TMEM229B: variants seen among roughly 807,000 people sequenced by gnomAD.
The protein encoded by TMEM229B is transmembrane protein 229B, also known as chromosome 14 open reading frame 83.
A neutral mutation model predicts 13.7 loss-of-function variants in TMEM229B; 6 were observed. The ratio of observed to expected loss-of-function variants is 0.44; its 90% confidence interval spans 0.24 to 0.86. The LOEUF is 0.86. Ranked by LOEUF, TMEM229B falls within the 40% of genes least tolerant of loss-of-function variation. The pLI, the probability that TMEM229B is intolerant of heterozygous loss-of-function variation, is 0.23. For synonymous variants in TMEM229B, 107 were observed against 102.1 expected (o/e 1.05, Z -0.29); for missense variants, 170 against 236.0 (o/e 0.72, Z 1.83).
rs539987903 is a variant in TMEM229B, at chr14:67,498,802, A to G, written c.-191-11630T>C. ...TGTCTCAGTCTCTCGAGTAGCTGAG[A>G]TTATAGGTGCACACCACCATGCCTG... On this transcript the variant is annotated intron_variant, in intron 1 of 2. Transcript: ENST00000357461. 2.0e-5 allele frequency among the ~76,000 whole-genome samples: 3 copies of G among 152,050 alleles called. No individual in the cohort carries two copies. The South Asian group carries it at 6.2e-4, about 32-fold the overall frequency.
chr14:67,502,880 T>C (rs979972828), intron 1 of TMEM229B, among the ~76,000 whole-genome samples: 2 of 152,148 alleles, frequency 1.3e-5, no homozygotes, highest in African/African-American at 4.8e-5. Context: ...GGTCCTGAAA[T>C]GTATTAAGAT....
At chr14:67,488,310 G>A (rs531605208) in intron 1 of TMEM229B, among the ~76,000 whole-genome samples, 198 bp downstream of exon 1, 11 of 152,358 alleles carry the variant, frequency 7.2e-5, no homozygotes, top group African/African-American at 2.4e-4. Context: ...CCAGGCAGCC[G>A]AGGAGAAGTG....
At chr14:67,475,319 T>C (rs1194013052) in intron 2 of TMEM229B, among the ~76,000 whole-genome samples, 2 of 152,242 alleles carry the variant, frequency 1.3e-5, no homozygotes, top group Non-Finnish European at 2.9e-5. Flanking sequence ...CTTCTACCTT[T>C]TGGCTACTCA....
Position 67,473,232 on chromosome 14 carries a change from TCCCCCAACACCTGACCACGGC to T in TMEM229B, c.*167_*187del, listed in dbSNP as rs1216297638. The T allele has an allele frequency of 6.9e-6, 5 of 726,910 alleles. No individual in the cohort carries two copies. In the East Asian group the frequency reaches 8.3e-5, roughly 12 times the overall value. 45.0% of individuals were successfully genotyped at this position (726,910 alleles called of 1,614,324 possible). ...GTCCCTCTGCTGCCTCCACACCCCA[TCCCCCAACACCTGACCACGGC>T]CCCCCAACACCGGCCCCCGCGGACG... On this transcript the variant is annotated 3_prime_UTR_variant, in exon 3 of 3. Coordinates refer to ENST00000554480, the MANE Select transcript of TMEM229B (RefSeq NM_001348543.2). The surrounding 1 kb of genome is among the most constrained non-coding windows in gnomAD (Gnocchi z 6.5).
chr14:67,480,056 A>C (rs1319291896), intron 2 of TMEM229B, among the ~76,000 whole-genome samples: 1 of 152,198 alleles, frequency 6.6e-6, no homozygotes, highest in African/African-American at 2.4e-5. Context: ...AACGGAAGTA[A>C]TGACCACAGA....
upstream of TMEM229B, among the ~76,000 whole-genome samples, chr14:67,490,269 C>T (rs965420452): frequency 2.6e-5 from 4 of 152,162 alleles, no homozygotes; most frequent in Non-Finnish European, 4.4e-5. Flanking sequence ...AAGGAGTGTG[C>T]TCACTCTCCT....
upstream of TMEM229B, among the ~76,000 whole-genome samples, chr14:67,489,766 G>A (rs530880331): frequency 3.3e-5 from 5 of 152,276 alleles, no homozygotes; most frequent in African/African-American, 7.2e-5. Context: ...CGAGGCGGGC[G>A]GATCACGAGG....
rs145261026 is a variant in TMEM229B at position 67,502,066 on chromosome 14, C to T, written c.-192+13020G>A. ...AAAGGCAACAGACTGGGCACTGTGG[C>T]TCACACTTGTAATACCAACACTTTG... On this transcript the variant is annotated intron_variant, in intron 1 of 2. Coordinates refer to the TMEM229B transcript ENST00000357461. Among the ~76,000 whole-genome samples, 261 of 152,330 alleles carry T rather than the reference C, an allele frequency of 1.7e-3. 2 individuals are homozygous for T. Among genetic ancestry groups the T allele is most frequent in the African/African-American group, 5.8e-3 (243 of 41,582 alleles).
At chr14:67,510,558 T>TAAAAGA (rs1033666188) in intron 1 of TMEM229B, among the ~76,000 whole-genome samples, 1 of 152,104 alleles carries the variant, frequency 6.6e-6, no homozygotes, top group African/African-American at 2.4e-5. Context: ...TATGCCAAAC[T>TAAAAGA]AAAAGAAAAA....
At chr14:67,506,403 G>C (rs1463357259) in intron 1 of TMEM229B, among the ~76,000 whole-genome samples, 1 of 152,164 alleles carries the variant, frequency 6.6e-6, no homozygotes, top group African/African-American at 2.4e-5. Flanking sequence ...TAAGTTGCTT[G>C]ATGAGTACAT....
chr14:67,512,853 G>GTGC (rs2033073598), intron 1 of TMEM229B, among the ~76,000 whole-genome samples: 2 of 152,196 alleles, frequency 1.3e-5, no homozygotes, highest in Admixed American at 6.5e-5. Flanking sequence ...TGCTGCCTAA[G>GTGC]TGCTGCAGCG....
intron 1 of TMEM229B, among the ~76,000 whole-genome samples, chr14:67,506,961 C>T (rs1024987727): frequency 1.3e-5 from 2 of 151,062 alleles, no homozygotes; most frequent in Middle Eastern, 3.4e-3. Context: ...TCCAGCCTGG[C>T]GACAGGGCCA....
intron 1 of TMEM229B, among the ~76,000 whole-genome samples, chr14:67,530,837 G>A (rs2033432498): frequency 6.6e-6 from 1 of 152,130 alleles, no homozygotes; most frequent in South Asian, 2.1e-4. Context: ...ATGTATATTT[G>A]GCAGAATTTG....
At chr14:67,507,598 G>A (rs569898327) in intron 1 of TMEM229B, among the ~76,000 whole-genome samples, 18 of 152,104 alleles carry the variant, frequency 1.2e-4, no homozygotes, top group African/African-American at 3.1e-4. Context: ...ACAGACATGC[G>A]CCACCATGTC....
At chr14:67,479,775 G>A (rs11851741) in intron 2 of TMEM229B, among the ~76,000 whole-genome samples, 3,982 of 152,290 alleles carry the variant, frequency 0.026, 70 homozygotes, top group African/African-American at 0.05. Flanking sequence ...TTCATACCTC[G>A]TGTATAGAAG....
chr14:67,515,454 G>T (rs185736431), upstream of TMEM229B: 1 of 171,900 alleles, frequency 5.8e-6, no homozygotes, highest in Non-Finnish European at 1.2e-5. Flanking sequence ...CCCATAGTAC[G>T]GATGCGCTGC....
intron 1 of TMEM229B, among the ~76,000 whole-genome samples, chr14:67,527,520 C>T (rs1211307533): frequency 1.3e-5 from 2 of 152,138 alleles, no homozygotes; most frequent in Admixed American, 6.5e-5. Context: ...TTAAATGTTT[C>T]GATTTTTAAT....
chr14:67,500,868 G>A (rs2032582040), intron 1 of TMEM229B, among the ~76,000 whole-genome samples: 1 of 151,906 alleles, frequency 6.6e-6, no homozygotes, highest in African/African-American at 2.4e-5. Context: ...ACCGCGCCTG[G>A]CCTGGATATT....
intron 1 of TMEM229B, among the ~76,000 whole-genome samples, chr14:67,500,435 A>G (rs1003479213): frequency 2.0e-5 from 3 of 152,102 alleles, no homozygotes; most frequent in African/African-American, 7.2e-5. Flanking sequence ...AGCTCTCACC[A>G]TTGCACTCCA....
Sources: allele counts gnomAD v4.1 joint callset (sites outside exome capture counted in the v4.1 genomes callset), GRCh38; gene constraint gnomAD v4.1.1; non-coding constraint Gnocchi (gnomAD v3.1); transcripts MANE v1.5; gene names NCBI Gene and HGNC (gene_info 2026-07-23, HGNC 2026-07-21).